Variants in CAMTA1 observed in about 807,000 individuals in gnomAD.
The protein encoded by CAMTA1 is calmodulin-binding transcription activator 1.
A neutral mutation model predicts 170.9 loss-of-function variants in CAMTA1; 27 were observed. The observed-to-expected ratio is 0.16, with a 90% CI of 0.12 to 0.22. The LOEUF (loss-of-function observed/expected upper bound fraction) is 0.22, where lower values mean the gene tolerates loss of function less well. Among genes scored for constraint, CAMTA1 ranks in the 10% least tolerant of loss-of-function variants. CAMTA1 has a pLI of 1.00. For synonymous variants in CAMTA1, 833 were observed against 891.5 expected (o/e 0.93, Z 1.17); for missense variants, 1,619 against 2,217.2 (o/e 0.73, Z 5.42).
rs75832571 is a variant in CAMTA1 at position 7,671,565 on chromosome 1, G to A, written c.2779+528G>A. Among the ~76,000 whole-genome samples the A allele has an allele frequency of 4.4e-3, 670 of 152,340 alleles. 2 individuals carry two copies. Among genetic ancestry groups the A allele is most frequent in the Non-Finnish European group, 7.6e-3 (520 of 68,028 alleles). Reference sequence around the variant, plus strand: ...AGGCTGGAGAAAGCCTGGCAGGGGCGGAGGGAGATGGGGTGGTGATGGGAG... The same window carrying A: ...AGGCTGGAGAAAGCCTGGCAGGGGCAGAGGGAGATGGGGTGGTGATGGGAG... On this transcript the variant is annotated intron_variant, in intron 10 of 22. Coordinates refer to ENST00000303635, the MANE Select transcript of CAMTA1 (RefSeq NM_015215.4).
chr1:7,516,858 AGGGCTCTTGTTT>A (rs2094293722), intron 6 of CAMTA1, among the ~76,000 whole-genome samples: 1 of 152,202 alleles, frequency 6.6e-6, no homozygotes, highest in African/African-American at 2.4e-5. Flanking sequence ...AGACCCTGAG[AGGGCTCTTGTTT>A]GTAAAATGGG....
chr1:7,111,808 C>T (rs1315019095), intron 4 of CAMTA1, among the ~76,000 whole-genome samples: 1 of 151,366 alleles, frequency 6.6e-6, no homozygotes, highest in Non-Finnish European at 1.5e-5. Context: ...TCACTTGAAC[C>T]CGGGAGGTGC....
chr1:6,955,577 G>T (rs533416300), intron 3 of CAMTA1, among the ~76,000 whole-genome samples: 1 of 152,316 alleles, frequency 6.6e-6, no homozygotes, highest in African/African-American at 2.4e-5. Flanking sequence ...TGGCTGTCAG[G>T]TGTGCGGTGG....
At chr1:7,236,878 G>C (rs1196152645) in intron 4 of CAMTA1, among the ~76,000 whole-genome samples, 1 of 152,242 alleles carries the variant, frequency 6.6e-6, no homozygotes, top group African/African-American at 2.4e-5. Flanking sequence ...CTGCAATAAA[G>C]GGTGACATTC....
intron 1 of CAMTA1, among the ~76,000 whole-genome samples, chr1:6,803,623 A>G (rs746602312): frequency 2.0e-5 from 3 of 152,268 alleles, no homozygotes; most frequent in Non-Finnish European, 2.9e-5. Context: ...AATACTGAGT[A>G]TGTTCTGCTA....
intron 4 of CAMTA1, among the ~76,000 whole-genome samples, chr1:7,189,813 A>T (rs1221467567): frequency 6.6e-6 from 1 of 152,238 alleles, no homozygotes; most frequent in Non-Finnish European, 1.5e-5. Flanking sequence ...AAGTCATTGT[A>T]CAAAAACTTT....
At chr1:7,104,458 C>A (rs1480207486) in intron 4 of CAMTA1, among the ~76,000 whole-genome samples, 1 of 152,126 alleles carries the variant, frequency 6.6e-6, no homozygotes, top group Non-Finnish European at 1.5e-5. Context: ...TTATCCTTGT[C>A]CTGTTAGCTG....
Position 7,562,310 on chromosome 1 carries a change from A to C in CAMTA1, c.511-78090A>C, listed in dbSNP as rs2094967837. 6.6e-6 allele frequency among the ~76,000 whole-genome samples: 1 copy of C among 152,252 alleles called. No homozygotes were observed. The highest frequency in any genetic ancestry group is 2.1e-4 in the South Asian group (1 of 4,836). ...TGCCTTGGTTTGAATATGTAAAGGC[A>C]CTAAGCTGTTTAATTCGGTGCTTCC... On this transcript the variant is annotated intron_variant, in intron 6 of 22. Transcript: ENST00000303635. The surrounding 1 kb of genome is among the most constrained non-coding windows in gnomAD (Gnocchi z 4.8).
At chr1:7,380,586 A>G (rs1221373259) in intron 5 of CAMTA1, among the ~76,000 whole-genome samples, 1 of 152,112 alleles carries the variant, frequency 6.6e-6, no homozygotes, top group Non-Finnish European at 1.5e-5. Context: ...AAAAAAAGAA[A>G]AGAAAAGAAG....
intron 5 of CAMTA1, among the ~76,000 whole-genome samples, chr1:7,264,129 G>A (rs776462179): frequency 4.6e-5 from 7 of 152,142 alleles, no homozygotes; most frequent in Non-Finnish European, 7.3e-5. Flanking sequence ...TGCAAAGGAC[G>A]CTTCTGCAAA....
intron 6 of CAMTA1, among the ~76,000 whole-genome samples, chr1:7,614,904 G>A (rs2095549132): frequency 6.6e-6 from 1 of 152,158 alleles, no homozygotes; most frequent in Non-Finnish European, 1.5e-5. Context: ...ACTGCTGGGG[G>A]GAGGGTACAG....
chr1:7,055,902 G>A (rs1387978428), intron 3 of CAMTA1, among the ~76,000 whole-genome samples: 1 of 152,202 alleles, frequency 6.6e-6, no homozygotes, highest in Non-Finnish European at 1.5e-5. Flanking sequence ...AGCCCTCTGA[G>A]TTACAGCGAG....
At chr1:6,828,083 T>G (rs1035647043) in intron 3 of CAMTA1, among the ~76,000 whole-genome samples, 1 of 152,140 alleles carries the variant, frequency 6.6e-6, no homozygotes, top group Non-Finnish European at 1.5e-5. Context: ...AAATGTCAAC[T>G]GTCATCTTTC....
intron 5 of CAMTA1, among the ~76,000 whole-genome samples, chr1:7,382,194 G>A (rs1008300145): frequency 3.3e-5 from 5 of 152,232 alleles, no homozygotes; most frequent in African/African-American, 9.6e-5. Context: ...TTCACTCTGA[G>A]TGTCCACATG....
intron 21 of CAMTA1, among the ~76,000 whole-genome samples, chr1:7,755,066 C>T (rs1358536378): frequency 6.6e-6 from 1 of 152,076 alleles, no homozygotes; most frequent in African/African-American, 2.4e-5. Context: ...TGGCTCACGC[C>T]TGTAATCTCA....
chr1:7,091,947 C>T (rs554561261), intron 4 of CAMTA1, among the ~76,000 whole-genome samples: 7 of 152,326 alleles, frequency 4.6e-5, no homozygotes, highest in East Asian at 1.9e-4. Flanking sequence ...ACCTGCGTTC[C>T]GCCAGCACCA....
chr1:7,552,327 G>A (rs966605792), intron 6 of CAMTA1, among the ~76,000 whole-genome samples: 7 of 152,238 alleles, frequency 4.6e-5, no homozygotes, highest in Non-Finnish European at 7.3e-5. Flanking sequence ...GCAAGGTGCC[G>A]TAAAGTGTGA....
chr1:6,997,832 T>C (rs1697556939), intron 3 of CAMTA1, among the ~76,000 whole-genome samples: 1 of 151,748 alleles, frequency 6.6e-6, no homozygotes, highest in Non-Finnish European at 1.5e-5. Flanking sequence ...GGCTAGTTTT[T>C]TGTATTTTTA....
chr1:7,655,065 C>CCACCTATACAAACACAT (rs1558063677), intron 7 of CAMTA1, among the ~76,000 whole-genome samples: 2 of 115,666 alleles, frequency 1.7e-5, no homozygotes, highest in East Asian at 5.6e-4. Flanking sequence ...TACAAACACA[C>CCACCTATACAAACACAT]CCACCTATAC....
Sources: allele counts gnomAD v4.1 joint callset (sites outside exome capture counted in the v4.1 genomes callset), GRCh38; gene constraint gnomAD v4.1.1; non-coding constraint Gnocchi (gnomAD v3.1); transcripts MANE v1.5; gene names NCBI Gene and HGNC (gene_info 2026-07-23, HGNC 2026-07-21).